BCAR1: variants seen among roughly 807,000 people sequenced by gnomAD.
BCAR1 encodes the protein breast cancer anti-estrogen resistance protein 1.
In BCAR1, 30 loss-of-function variants were observed where a neutral mutation model predicts 67.6. The ratio of observed to expected loss-of-function variants is 0.44; its 90% CI spans 0.33 to 0.60. The LOEUF (loss-of-function observed/expected upper bound fraction) is 0.60. BCAR1 is among the 20% of genes least tolerant of loss of function. BCAR1 has a pLI of 0.02. For missense variants in BCAR1, 1,313 were observed against 1,222.3 expected (o/e 1.07, Z -1.11); for synonymous variants, 626 against 556.7 (o/e 1.12, Z -1.75).
At chr16:75,264,091 T>C (rs1256391113) in intron 1 of BCAR1, 1 of 1,244,698 alleles carries the variant, frequency 8.0e-7, no homozygotes, top group Non-Finnish European at 1.0e-6. Context: ...AGGCTGCAGG[T>C]CCCCACGACA....
At chr16:75,239,169 C>T (rs1350956951) in intron 2 of BCAR1, 8 of 944,918 alleles carry the variant, frequency 8.5e-6, no homozygotes, top group Non-Finnish European at 8.8e-6. Context: ...GGGAATGACT[C>T]AGCCCCACTG....
intron 5 of BCAR1, among the ~76,000 whole-genome samples, chr16:75,234,168 C>G (rs367656674): frequency 2.2e-4 from 29 of 129,360 alleles, no homozygotes; most frequent in South Asian, 6.7e-4. Context: ...CAGACAGACA[C>G]ACACACACAC....
In BCAR1 at chr16:75,251,613, C is replaced by T; in HGVS notation, c.-131G>A. 2.0e-6 allele frequency: 2 copies of T among 1,016,034 alleles called. No individual in the cohort carries two copies. The highest frequency in any genetic ancestry group is 2.3e-6 in the Non-Finnish European group (2 of 851,456). 62.9% of individuals were successfully genotyped at this position (1,016,034 alleles called of 1,614,324 possible). Reference sequence around the variant, plus strand: ...CCGCGCAGCTGCCGCCTCGGCCACCCAGAGCCGGTCCAGCCGCTCTCCGCC... The same window carrying T: ...CCGCGCAGCTGCCGCCTCGGCCACCTAGAGCCGGTCCAGCCGCTCTCCGCC... On this transcript the variant is annotated 5_prime_UTR_variant, in exon 1 of 7. Transcript: ENST00000162330.
In BCAR1 at chr16:75,235,622, C is replaced by T. The variant is rs922608086; in HGVS notation, c.1277G>A (p.Arg426His). ...GCTGCCGGTGCTGGAGGCCGACAGG[C>T]GCTTGCCCTCTGCCGGGGCTTCACG... ...AEREAPAEGK[R>H]LSASSTGSTR... Residue 426 changes from arginine to histidine, a missense_variant, in exon 5 of 7, where the codon CGC becomes CAC. By Grantham distance (29) the Arg-to-His change is conservative (BLOSUM62 0). Transcript: ENST00000162330. The T allele has an allele frequency of 3.1e-6, 5 of 1,602,576 alleles. No homozygotes were observed. In the African/African-American group the frequency reaches 4.0e-5, roughly 13 times the overall value.
At chr16:75,265,935 G>C in intron 1 of BCAR1, 2 of 1,094,436 alleles carry the variant, frequency 1.8e-6, no homozygotes, top group Middle Eastern at 4.0e-4. Flanking sequence ...GGGTCCCGGC[G>C]CTTTCCGGCT....
intron 1 of BCAR1, among the ~76,000 whole-genome samples, chr16:75,261,935 A>G (rs1465785050): frequency 6.6e-6 from 1 of 152,114 alleles, no homozygotes; most frequent in Non-Finnish European, 1.5e-5. Flanking sequence ...CTGTTACTTA[A>G]TCACCCTCCT....
At chr16:75,245,468 A>G (rs115046717) in intron 1 of BCAR1, among the ~76,000 whole-genome samples, 4,576 of 152,132 alleles carry the variant, frequency 0.03, 102 homozygotes, top group Middle Eastern at 0.11. Context: ...AGGCACTCAG[A>G]GAGGCTGAGG....
In BCAR1 at chr16:75,250,808, TC is replaced by T. The variant is rs2077657975; in HGVS notation, c.12+662del. 6.1e-6 allele frequency: 6 copies of T among 985,278 alleles called. No homozygotes were observed. The African/African-American group carries it at 7.0e-5, about 11-fold the overall frequency. 61.0% of individuals were successfully genotyped at this position (985,278 alleles called of 1,614,324 possible). The stretch of plus-strand genomic sequence containing the variant: ...CGGCCCTGGCCCCCTCCCGCGACAC[TC>T]GCGTGCGGCTAGGACTCCTGTGGCC... On this transcript the variant is annotated intron_variant, in intron 1 of 6. Coordinates refer to ENST00000162330, the MANE Select transcript of BCAR1 (RefSeq NM_014567.5).
chr16:75,264,571 C>A, intron 1 of BCAR1: 1 of 1,356,074 alleles, frequency 7.4e-7, no homozygotes, highest in Non-Finnish European at 9.5e-7. Context: ...GGGCTCACAT[C>A]AGCACAGTCT....
At chr16:75,266,036 C>A in intron 1 of BCAR1, 1 of 1,027,870 alleles carries the variant, frequency 9.7e-7, no homozygotes, top group South Asian at 4.6e-5. Context: ...CCCCCACCGT[C>A]TCCGCGGCCA....
chr16:75,239,173 C>G, intron 2 of BCAR1: 1 of 940,330 alleles, frequency 1.1e-6, no homozygotes, highest in Non-Finnish European at 1.3e-6. Context: ...ATGACTCAGC[C>G]CCACTGCTAA....
upstream of BCAR1, chr16:75,251,796 C>G (rs557877350): frequency 3.8e-6 from 2 of 526,598 alleles, no homozygotes; most frequent in Non-Finnish European, 4.9e-6. Flanking sequence ...CCCCGCCCCC[C>G]ACCTCCAACC....
chr16:75,233,979 G>C lies in BCAR1; in HGVS notation c.2011-44C>G, dbSNP rs572875666. 5 of 1,547,622 alleles carry C rather than the reference G, an allele frequency of 3.2e-6. No homozygotes were observed. In the East Asian group the frequency reaches 1.2e-4, roughly 37 times the overall value. On this transcript the variant is annotated intron_variant, in intron 5 of 6. Coordinates refer to ENST00000162330, the MANE Select transcript of BCAR1 (RefSeq NM_014567.5). ...GGCTGCGCTGAGGCCAGTTTTCTGA[G>C]CCAGAAGCACAGGCCAGCCCTGTGG...
chr16:75,248,209 G>A (rs899890149), intron 1 of BCAR1: 8 of 1,552,814 alleles, frequency 5.2e-6, no homozygotes, highest in Non-Finnish European at 6.9e-6. Flanking sequence ...CTGGGTTCGT[G>A]GAAACCACCA....
chr16:75,244,616 C>T (rs186129484), intron 1 of BCAR1, among the ~76,000 whole-genome samples: 117 of 152,352 alleles, frequency 7.7e-4, no homozygotes, highest in African/African-American at 2.8e-3. Context: ...TGGACATCAT[C>T]AGCAGGGAGC....
At chr16:75,236,791 GCCCTGCA>G in intron 4 of BCAR1, 84 bp downstream of exon 4, 1 of 1,497,310 alleles carries the variant, frequency 6.7e-7, no homozygotes, top group Non-Finnish European at 8.9e-7. Flanking sequence ...GCCACCCCCA[GCCCTGCA>G]GACACTGGTC....
At chr16:75,265,987 C>T in intron 1 of BCAR1, 4 of 1,046,994 alleles carry the variant, frequency 3.8e-6, no homozygotes, top group South Asian at 4.5e-5. Context: ...ACTGTCCGGC[C>T]GCTCCAGCCG....
At chr16:75,236,518 A>T (rs1192780868) in intron 4 of BCAR1, 1 of 372,182 alleles carries the variant, frequency 2.7e-6, no homozygotes, top group Non-Finnish European at 4.8e-6. Flanking sequence ...TTATCAGGGG[A>T]CCAAATTCTG....
chr16:75,257,015 G>A (rs998584292), intron 1 of BCAR1, among the ~76,000 whole-genome samples: 1 of 152,224 alleles, frequency 6.6e-6, no homozygotes, highest in Non-Finnish European at 1.5e-5. Context: ...ACTGCCTGGG[G>A]GAGGGGGAAG....
Sources: gnomAD v4.1 joint callset for allele counts (sites outside exome capture counted in the v4.1 genomes callset) on GRCh38, gnomAD v4.1.1 for gene constraint, MANE v1.5 for transcripts, NCBI Gene and HGNC (gene_info 2026-07-23, HGNC 2026-07-21) for gene names.